Variants in LRP1B observed in about 807,000 individuals in gnomAD.
LRP1B encodes LDL receptor related protein 1B.
LRP1B carries 217 observed loss-of-function variants against 556.6 expected under a neutral mutation model. The observed-to-expected ratio is 0.39, with a 90% CI of 0.35 to 0.44. LRP1B has a LOEUF of 0.44. Among genes scored for constraint, LRP1B ranks in the 20% least tolerant of loss-of-function variants. The pLI is 1.00. For missense variants in LRP1B, 5,053 were observed against 5,620.8 expected (o/e 0.90, Z 3.23); for synonymous variants, 2,047 against 1,865.8 (o/e 1.10, Z -2.50).
intron 83 of LRP1B, among the ~76,000 whole-genome samples, chr2:140,309,591 G>A (rs566372616): frequency 4.4e-4 from 67 of 151,844 alleles, no homozygotes; most frequent in Non-Finnish European, 8.4e-4. Context: ...TTCAAAGGGA[G>A]AGAACAGTGT....
At chr2:140,526,385 G>A (rs1347224713) in intron 47 of LRP1B, 35 bp from the exon 48 acceptor site, 3 of 1,202,030 alleles carry the variant, frequency 2.5e-6, no homozygotes, top group Admixed American at 3.4e-5. Context: ...ATGCAAAGAT[G>A]GGACAGAATG....
chr2:140,791,154 T>G (rs1690105798), intron 32 of LRP1B, among the ~76,000 whole-genome samples: 1 of 152,024 alleles, frequency 6.6e-6, no homozygotes, highest in Non-Finnish European at 1.5e-5. Flanking sequence ...CTCGGGAGGC[T>G]GAGACAGGAG....
chr2:142,111,798 A>G (rs1465123323), intron 1 of LRP1B, among the ~76,000 whole-genome samples: 1 of 152,112 alleles, frequency 6.6e-6, no homozygotes, highest in African/African-American at 2.4e-5. Context: ...AACAAACATT[A>G]TTACTAATAC....
chr2:141,374,614 G>C (rs1337315419), intron 3 of LRP1B, among the ~76,000 whole-genome samples: 1 of 151,886 alleles, frequency 6.6e-6, no homozygotes, highest in Non-Finnish European at 1.5e-5. Flanking sequence ...TATTTAAAAG[G>C]ACACATCTTC....
intron 3 of LRP1B, among the ~76,000 whole-genome samples, chr2:141,471,283 T>TTGTTTTTG (rs1559089496): frequency 8.1e-5 from 12 of 148,932 alleles, no homozygotes; most frequent in South Asian, 2.1e-4. Context: ...TTTTTTTTTT[T>TTGTTTTTG]TTTTTTTTTT....
At chr2:140,914,815 A>G (rs1368519033) in intron 21 of LRP1B, among the ~76,000 whole-genome samples, 5 of 152,086 alleles carry the variant, frequency 3.3e-5, no homozygotes, top group Non-Finnish European at 7.4e-5. Context: ...AGGAGAGGAA[A>G]TGCAGCAGGG....
chr2:141,338,173 GA>G (rs1182964042), intron 3 of LRP1B, among the ~76,000 whole-genome samples: 1 of 152,096 alleles, frequency 6.6e-6, no homozygotes, highest in African/African-American at 2.4e-5. Context: ...GTATTAGCTC[GA>G]TTCTCAAAAT....
At chr2:141,698,938 A>C (rs1032198335) in intron 2 of LRP1B, among the ~76,000 whole-genome samples, 2 of 151,858 alleles carry the variant, frequency 1.3e-5, no homozygotes, top group Non-Finnish European at 2.9e-5. Context: ...CAGGCATTGC[A>C]AAGCCACACC....
chr2:141,543,484 G>A (rs934706389), intron 2 of LRP1B, among the ~76,000 whole-genome samples: 4 of 137,598 alleles, frequency 2.9e-5, no homozygotes, highest in African/African-American at 1.1e-4. Flanking sequence ...TTGTGTCACT[G>A]CACTCCAGCC....
At chr2:141,311,197 T>C (rs1412593340) in intron 3 of LRP1B, among the ~76,000 whole-genome samples, 1 of 152,192 alleles carries the variant, frequency 6.6e-6, no homozygotes, top group African/African-American at 2.4e-5. Context: ...TAGAGAACTC[T>C]AGTAGATGTA....
At chr2:141,771,790 T>C (rs1377618762) in intron 2 of LRP1B, among the ~76,000 whole-genome samples, 2 of 152,052 alleles carry the variant, frequency 1.3e-5, no homozygotes, top group East Asian at 3.9e-4. Context: ...AGAAAGATGA[T>C]CTCTTGCTTT....
intron 2 of LRP1B, among the ~76,000 whole-genome samples, chr2:141,626,817 C>T (rs1047000462): frequency 2.6e-5 from 4 of 152,144 alleles, no homozygotes; most frequent in Non-Finnish European, 4.4e-5. Context: ...GACAGGAATG[C>T]GGAGCAATGA....
intron 61 of LRP1B, among the ~76,000 whole-genome samples, chr2:140,456,998 G>C (rs1337207351): frequency 6.6e-6 from 1 of 152,078 alleles, no homozygotes; most frequent in Non-Finnish European, 1.5e-5. Flanking sequence ...GGCCGGATAG[G>C]TTTTTTTAAG....
At chr2:140,658,882 G>A (rs1462938250) in intron 41 of LRP1B, among the ~76,000 whole-genome samples, 1 of 151,894 alleles carries the variant, frequency 6.6e-6, no homozygotes, top group African/African-American at 2.4e-5. Context: ...AATCTGTTCA[G>A]TGAGCTGAAA....
intron 2 of LRP1B, among the ~76,000 whole-genome samples, chr2:141,796,491 A>G (rs935845799): frequency 6.6e-6 from 1 of 152,080 alleles, no homozygotes; most frequent in Non-Finnish European, 1.5e-5. Flanking sequence ...CTCTTTTAAA[A>G]AAAACTAGGA....
intron 7 of LRP1B, among the ~76,000 whole-genome samples, chr2:141,179,073 A>G (rs1259408103): frequency 1.3e-5 from 2 of 152,116 alleles, no homozygotes; most frequent in South Asian, 4.1e-4. Flanking sequence ...TGTTTTATGC[A>G]ATTAATAAAT....
At chr2:140,720,572 G>T (rs1162185976) in intron 35 of LRP1B, among the ~76,000 whole-genome samples, 4 of 152,026 alleles carry the variant, frequency 2.6e-5, no homozygotes, top group African/African-American at 4.8e-5. Flanking sequence ...ACATTTTTTA[G>T]TTGGGAGAAA....
chr2:141,503,377 T>C (rs554592341), intron 2 of LRP1B, among the ~76,000 whole-genome samples: 2 of 151,588 alleles, frequency 1.3e-5, no homozygotes, highest in South Asian at 4.2e-4. Flanking sequence ...CTACTTCTGA[T>C]ATTCCACTTA....
At chr2:140,779,659 C>T (rs1243541451) in intron 32 of LRP1B, among the ~76,000 whole-genome samples, 2 of 141,942 alleles carry the variant, frequency 1.4e-5, no homozygotes, top group Non-Finnish European at 3.0e-5. Flanking sequence ...CGTGCCACTG[C>T]ACTCGAGCCC....
Sources: gnomAD v4.1 joint callset for allele counts (sites outside exome capture counted in the v4.1 genomes callset) on GRCh38, gnomAD v4.1.1 for gene constraint, MANE v1.5 for transcripts, NCBI Gene and HGNC (gene_info 2026-07-23, HGNC 2026-07-21) for gene names.